PRKCH: variants seen among roughly 807,000 people sequenced by gnomAD.
The protein encoded by PRKCH is protein kinase C eta type.
PRKCH carries 28 observed loss-of-function variants against 82.5 expected under a neutral mutation model. The ratio of observed to expected loss-of-function variants is 0.34; its 90% confidence interval spans 0.25 to 0.47. The LOEUF (loss-of-function observed/expected upper bound fraction) is 0.47. Among genes scored for constraint, PRKCH ranks in the 20% least tolerant of loss-of-function variants. PRKCH has a pLI of 1.00. For synonymous variants in PRKCH, 322 were observed against 327.4 expected, an observed-to-expected ratio of 0.98 and a Z score of 0.18; for missense variants, 705 against 881.8, an observed-to-expected ratio of 0.80 and a Z score of 2.54.
chr14:61,363,418 AGAG>A (rs1216317196), intron 1 of PRKCH, among the ~76,000 whole-genome samples: 2 of 152,174 alleles, frequency 1.3e-5, no homozygotes, highest in East Asian at 3.9e-4. Flanking sequence ...TCAGGGCTGG[AGAG>A]GAGAAGATGG....
At chr14:61,502,116 G>T in intron 10 of PRKCH, among the ~76,000 whole-genome samples, 1 of 134,036 alleles carries the variant, frequency 7.5e-6, no homozygotes. Flanking sequence ...TCAGGCAGGA[G>T]TGCAATGGCA....
chr14:61,339,837 T>C (rs1376553035), intron 1 of PRKCH, among the ~76,000 whole-genome samples: 1 of 151,168 alleles, frequency 6.6e-6, no homozygotes, highest in Non-Finnish European at 1.5e-5. Context: ...TGCGCCACCA[T>C]GCCCCCAGCT....
chr14:61,488,327 T>C (rs1886318416), intron 10 of PRKCH, among the ~76,000 whole-genome samples: 1 of 152,076 alleles, frequency 6.6e-6, no homozygotes, highest in South Asian at 2.1e-4. Flanking sequence ...TGAGTGTCAA[T>C]CAATCAATAA....
intron 9 of PRKCH, among the ~76,000 whole-genome samples, chr14:61,473,731 A>G (rs939454984): frequency 1.3e-5 from 2 of 152,158 alleles, no homozygotes; most frequent in African/African-American, 4.8e-5. Context: ...AGTGGCTCAC[A>G]CCTGTAATCC....
chr14:61,329,784 T>G (rs2045757656), intron 1 of PRKCH, among the ~76,000 whole-genome samples: 1 of 152,194 alleles, frequency 6.6e-6, no homozygotes, highest in Non-Finnish European at 1.5e-5. Context: ...CTCAGTATCC[T>G]GAGATCTCTT....
chr14:61,529,005 T>TGTGTGTGCGC, intron 10 of PRKCH, 70 bp from the exon 11 acceptor site: 27 of 1,459,962 alleles, frequency 1.8e-5, no homozygotes, highest in Non-Finnish European at 2.2e-5. Flanking sequence ...TGTGTGTGTG[T>TGTGTGTGCGC]GCCCATTCTG....
chr14:61,453,119 G>T, intron 6 of PRKCH, 107 bp from the exon 7 acceptor site: 1 of 1,371,244 alleles, frequency 7.3e-7, no homozygotes, highest in Non-Finnish European at 1.0e-6. Context: ...TGTTCAGCCG[G>T]TATAATTCCT....
chr14:61,547,733 T>C lies in PRKCH; in HGVS notation c.1762-10T>C, dbSNP rs755985219. ...ATGAATGATTGACACTTTCTCTCTC[T>C]CTCACTCAGTTCATGACCAAGAACC... On this transcript the variant is annotated splice_polypyrimidine_tract_variant and intron_variant, in intron 12 of 13. Transcript: ENST00000332981. 1.9e-6 allele frequency: 3 copies of C among 1,611,422 alleles called. No homozygotes were observed. Among genetic ancestry groups the C allele is most frequent in the Non-Finnish European group, 1.7e-6 (2 of 1,178,394 alleles).
At chr14:61,215,719 G>T (rs2044611465) in intron 1 of PRKCH, among the ~76,000 whole-genome samples, 1 of 152,172 alleles carries the variant, frequency 6.6e-6, no homozygotes, top group South Asian at 2.1e-4. Context: ...CCCTTTCAGG[G>T]CTTGCCATGT....
intron 10 of PRKCH, among the ~76,000 whole-genome samples, chr14:61,496,736 T>G (rs1408324772): frequency 6.6e-6 from 1 of 152,232 alleles, no homozygotes; most frequent in Admixed American, 6.5e-5. Flanking sequence ...TTCTTAGGTG[T>G]TCATGGAATT....
chr14:61,302,497 C>T (rs1198048822), intron 1 of PRKCH, among the ~76,000 whole-genome samples: 2 of 152,154 alleles, frequency 1.3e-5, no homozygotes, highest in Non-Finnish European at 2.9e-5. Flanking sequence ...CAGCCTCTTT[C>T]TTCAACATCT....
chr14:61,417,537 A>T (rs576901817), intron 2 of PRKCH, among the ~76,000 whole-genome samples: 2 of 152,356 alleles, frequency 1.3e-5, no homozygotes, highest in East Asian at 3.9e-4. Flanking sequence ...ATACTTAATG[A>T]CAAAAATTTG....
chr14:61,190,485 A>G (rs2140031821), intron 1 of PRKCH, among the ~76,000 whole-genome samples: 1 of 152,316 alleles, frequency 6.6e-6, no homozygotes, highest in Non-Finnish European at 1.5e-5. Context: ...AAAAGCAAAA[A>G]TTCAAGAGAA....
intron 1 of PRKCH, among the ~76,000 whole-genome samples, chr14:61,248,240 C>T (rs921040915): frequency 5.3e-5 from 8 of 152,282 alleles, no homozygotes; most frequent in African/African-American, 1.9e-4. Flanking sequence ...CAACCTCATC[C>T]ATTCAACTGG....
intron 1 of PRKCH, among the ~76,000 whole-genome samples, chr14:61,315,295 C>A (rs2045553767): frequency 6.6e-6 from 1 of 152,264 alleles, no homozygotes; most frequent in Middle Eastern, 3.4e-3. Flanking sequence ...CCGTTAGAAT[C>A]ATGCTGGGAT....
intron 1 of PRKCH, among the ~76,000 whole-genome samples, chr14:61,357,468 T>C (rs1215036434): frequency 6.6e-6 from 1 of 152,226 alleles, no homozygotes; most frequent in Non-Finnish European, 1.5e-5. Flanking sequence ...CCTTGCTCTG[T>C]TAGTCATTGT....
At chr14:61,485,152 A>T (rs1436930794) in intron 9 of PRKCH, among the ~76,000 whole-genome samples, 1 of 152,120 alleles carries the variant, frequency 6.6e-6, no homozygotes, top group East Asian at 1.9e-4. Flanking sequence ...CATGTTCCAG[A>T]TTAAAGGCAT....
At chr14:61,381,773 G>A (rs1164639397) in intron 1 of PRKCH, among the ~76,000 whole-genome samples, 1 of 152,240 alleles carries the variant, frequency 6.6e-6, no homozygotes, top group African/African-American at 2.4e-5. Flanking sequence ...CTAGTGGCAC[G>A]AGTCTTGCCC....
At position 61,457,244 on chromosome 14, in the gene PRKCH, G is replaced by A; in HGVS notation, c.1029G>A (p.Gly343=). Residue 343 remains glycine (G), a synonymous_variant, in exon 8 of 14, where the codon GGG becomes GGA. Transcript: ENST00000332981. ...KESSKEGNGI[G]VNSSNRLGID... ...GCAGCAAAGAAGGAAATGGGATTGG[G>A]GTTAATTCTTCCAACCGACTTGGTA... The A allele has an allele frequency of 6.2e-7, 1 of 1,614,178 alleles. No individual in the cohort carries two copies.
Sources: gnomAD v4.1 joint callset for allele counts (sites outside exome capture counted in the v4.1 genomes callset) on GRCh38, gnomAD v4.1.1 for gene constraint, MANE v1.5 for transcripts, NCBI Gene and HGNC (gene_info 2026-07-23, HGNC 2026-07-21) for gene names.